TG: variants seen among roughly 807,000 people sequenced by gnomAD.
The protein encoded by TG is thyroglobulin.
In TG, 270 loss-of-function variants were observed where a neutral mutation model predicts 324.7. That is an observed-to-expected ratio of 0.83 (90% CI 0.75 to 0.92). The LOEUF is 0.92. TG is among the 40% of genes least tolerant of loss of function. The probability of loss-of-function intolerance (pLI) is 0.00; values close to 1 mark genes in which losing one functional copy is unlikely to be tolerated. For missense variants in TG, 3,591 were observed against 3,456.4 expected (o/e 1.04, Z -0.98); for synonymous variants, 1,401 against 1,327.0 (o/e 1.06, Z -1.21).
At chr8:132,980,197 G>C (rs2103069) in intron 34 of TG, among the ~76,000 whole-genome samples, 91,942 of 151,786 alleles carry the variant, frequency 0.61, 29,096 homozygotes, top group African/African-American at 0.74. Flanking sequence ...CCCTAGACAG[G>C]TTAAGAAGGA....
In TG at chr8:133,105,673, T is replaced by C. The variant is rs546772400; in HGVS notation, c.7573-7749T>C. On this transcript the variant is annotated intron_variant, in intron 43 of 47. Coordinates refer to ENST00000220616, the MANE Select transcript of TG (RefSeq NM_003235.5). ...AGAGATTTGGGAATCATTAGCTTAA[T>C]AGGTCATTCTTCAAGCAAGGAGAGG... Among the ~76,000 whole-genome samples the C allele has an allele frequency of 5.9e-5, 9 of 152,220 alleles. No individual in the cohort carries two copies. In the South Asian group the frequency reaches 1.0e-3, roughly 18 times the overall value.
At chr8:133,122,762 C>A (rs556253838) in intron 45 of TG, among the ~76,000 whole-genome samples, 11 of 152,282 alleles carry the variant, frequency 7.2e-5, no homozygotes, top group African/African-American at 2.2e-4. Flanking sequence ...GTATGTGTAT[C>A]TGTATGTACA....
chr8:133,069,499 C>T (rs372262693), intron 41 of TG, among the ~76,000 whole-genome samples: 6,177 of 152,226 alleles, frequency 0.041, 390 homozygotes, highest in African/African-American at 0.13. Context: ...TGTGCTCCTC[C>T]TTAGCTCCTG....
Position 132,898,246 on chromosome 8 carries a change from T to C in TG, c.3217T>C (p.Cys1073Arg), listed in dbSNP as rs780022447. The change falls in exon 13 of 48, where the codon TGC (cysteine) becomes CGC (arginine). Residue 1073 changes from cysteine to arginine, a missense_variant and splice_region_variant. Physicochemically the swap from Cys to Arg is radical, Grantham distance 180 (BLOSUM62 -3). Transcript: ENST00000220616. ...TGCCCGCTCTCTGCAGATTCCACAG[T>C]GTAAGTGAAGACTGCAGAGTTCTCC... Reference protein sequence around the residue: ...LTARSLQIPQCPTTCEKSRTS... With the variant: ...LTARSLQIPQRPTTCEKSRTS... 1.9e-6 allele frequency: 3 copies of C among 1,593,572 alleles called. No individual in the cohort carries two copies. The highest frequency in any genetic ancestry group is 1.3e-5 in the African/African-American group (1 of 74,842).
At chr8:132,949,026 C>T in intron 27 of TG, 83 bp downstream of exon 27, 1 of 1,338,006 alleles carries the variant, frequency 7.5e-7, no homozygotes, top group Non-Finnish European at 1.1e-6. Flanking sequence ...TATGAGCCCT[C>T]CTTGTGGCCT....
chr8:133,016,754 A>G (rs1756463961), intron 37 of TG, among the ~76,000 whole-genome samples: 1 of 152,208 alleles, frequency 6.6e-6, no homozygotes, highest in Non-Finnish European at 1.5e-5. Context: ...GTGGCATCAG[A>G]CAGGCCTGTC....
intron 41 of TG, chr8:133,050,885 C>T: frequency 1.9e-6 from 3 of 1,613,766 alleles, no homozygotes; most frequent in South Asian, 2.2e-5. Flanking sequence ...CGGGTAGTCA[C>T]TTAGCACGGC....
chr8:132,906,742 T>C lies in TG; in HGVS notation c.3689T>C (p.Leu1230Pro), dbSNP rs1818744706. 1 of 1,614,226 alleles carries C rather than the reference T, an allele frequency of 6.2e-7. No homozygotes were observed. Among genetic ancestry groups the C allele is most frequent in the Non-Finnish European group, 8.5e-7 (1 of 1,180,042 alleles). ...NASEVVGGTI[L>P]CETISGPTGS... ...TCGGAGGTGGTTGGTGGAACAATCC[T>C]GTGTGAGACAATCTCGGGCCCCACA... The change falls in exon 17 of 48, where the codon CTG becomes CCG. Residue 1230 changes from leucine to proline, a missense_variant. Physicochemically the swap from Leu to Pro is moderately conservative, Grantham distance 98 (BLOSUM62 -3). Transcript: ENST00000220616.
intron 35 of TG, among the ~76,000 whole-genome samples, chr8:133,011,174 T>C (rs1216494069): frequency 6.6e-6 from 1 of 152,170 alleles, no homozygotes; most frequent in African/African-American, 2.4e-5. Flanking sequence ...GCCCCACTGA[T>C]CTTCCAGTGA....
intron 27 of TG, among the ~76,000 whole-genome samples, chr8:132,955,774 C>T (rs1387918128): frequency 6.6e-6 from 1 of 152,230 alleles, no homozygotes; most frequent in East Asian, 1.9e-4. Context: ...GTTTAGGATC[C>T]TGTCCAGTTT....
chr8:133,093,854 G>T (rs1847974974), intron 41 of TG, among the ~76,000 whole-genome samples: 1 of 152,236 alleles, frequency 6.6e-6, no homozygotes, highest in Non-Finnish European at 1.5e-5. Flanking sequence ...ACATGGGACA[G>T]TAAGAGCAAC....
At chr8:133,043,485 T>C (rs949006161) in intron 41 of TG, among the ~76,000 whole-genome samples, 1 of 152,252 alleles carries the variant, frequency 6.6e-6, no homozygotes, top group African/African-American at 2.4e-5. Context: ...TAATATGTGT[T>C]ATCATTTATT....
chr8:132,943,047 T>G (rs1210269604), intron 26 of TG, among the ~76,000 whole-genome samples: 1 of 152,168 alleles, frequency 6.6e-6, no homozygotes, highest in African/African-American at 2.4e-5. Context: ...AGGCTCAGGG[T>G]AGAGGATGTC....
intron 25 of TG, among the ~76,000 whole-genome samples, chr8:132,939,466 C>T (rs961581931): frequency 1.3e-5 from 2 of 152,082 alleles, no homozygotes; most frequent in Non-Finnish European, 1.5e-5. Context: ...TCTAACTGTA[C>T]AAATGCAGAG....
chr8:133,050,982 G>A (rs1276856147), intron 41 of TG: 6 of 872,476 alleles, frequency 6.9e-6, no homozygotes, highest in East Asian at 2.4e-5. Flanking sequence ...TTAAAGGTAG[G>A]CTTGGGAGGG....
chr8:133,031,399 A>G (rs990661891), intron 41 of TG, among the ~76,000 whole-genome samples: 1 of 152,144 alleles, frequency 6.6e-6, no homozygotes, highest in Non-Finnish European at 1.5e-5. Context: ...CCTTTTGCCT[A>G]TTGTGAACAG....
At chr8:133,021,623 G>T (rs1256203425) in intron 39 of TG, among the ~76,000 whole-genome samples, 1 of 152,204 alleles carries the variant, frequency 6.6e-6, no homozygotes, top group South Asian at 2.1e-4. Context: ...TTGCAGGACT[G>T]GTTCCTTCAG....
chr8:132,953,734 T>C (rs145077840), intron 27 of TG, among the ~76,000 whole-genome samples: 36 of 152,326 alleles, frequency 2.4e-4, no homozygotes, highest in African/African-American at 8.4e-4. Context: ...TATGAGATTT[T>C]GCTTCACTTG....
At chr8:132,956,624 G>A (rs1826913918) in intron 27 of TG, among the ~76,000 whole-genome samples, 2 of 152,186 alleles carry the variant, frequency 1.3e-5, no homozygotes, top group African/African-American at 4.8e-5. Context: ...GTGTGACTCG[G>A]GAGGTGGGCA....
Sources: allele counts gnomAD v4.1 joint callset (sites outside exome capture counted in the v4.1 genomes callset), GRCh38; gene constraint gnomAD v4.1.1; transcripts MANE v1.5; gene names NCBI Gene and HGNC (gene_info 2026-07-23, HGNC 2026-07-21).